Variants in RBPJ observed in about 807,000 individuals in gnomAD.
RBPJ encodes recombining binding protein suppressor of hairless.
In RBPJ, 9 loss-of-function variants were observed where a neutral mutation model predicts 67.8. The ratio of observed to expected loss-of-function variants is 0.13; its 90% CI spans 0.08 to 0.23. The LOEUF (loss-of-function observed/expected upper bound fraction) is 0.23. RBPJ is among the 10% of genes least tolerant of loss of function. The pLI is 1.00. For synonymous variants in RBPJ, 198 were observed against 203.3 expected (o/e 0.97, Z 0.22); for missense variants, 305 against 595.6 (o/e 0.51, Z 5.08).
intron 1 of RBPJ, among the ~76,000 whole-genome samples, chr4:26,233,442 G>T (rs192818623): frequency 7.2e-5 from 11 of 152,300 alleles, no homozygotes; most frequent in Non-Finnish European, 1.2e-4. Context: ...TTATCCTTCA[G>T]AAAATCATAT....
chr4:26,345,093 C>T (rs1386968495), intron 1 of RBPJ, among the ~76,000 whole-genome samples: 1 of 152,126 alleles, frequency 6.6e-6, no homozygotes, highest in Non-Finnish European at 1.5e-5. Flanking sequence ...GATTTTTGTG[C>T]ACATTAAAAA....
upstream of RBPJ, among the ~76,000 whole-genome samples, chr4:26,318,922 A>G (rs1179080257): frequency 6.9e-6 from 1 of 145,602 alleles, no homozygotes; most frequent in Non-Finnish European, 1.5e-5. Context: ...GCGTGAATCC[A>G]GGAGGCGGAG....
chr4:26,370,133 G>T (rs1729014897), intron 1 of RBPJ, among the ~76,000 whole-genome samples: 1 of 152,086 alleles, frequency 6.6e-6, no homozygotes, highest in Admixed American at 6.6e-5. Context: ...CAGAATAAAG[G>T]CCTTGTCAAA....
At chr4:26,107,220 G>T in the RBPJ span, among the ~76,000 whole-genome samples, 1 of 152,206 alleles carries the variant, frequency 6.6e-6, no homozygotes, top group African/African-American at 2.4e-5. Flanking sequence ...TTCACTGTTG[G>T]ATTGTGAATT....
chr4:26,429,805 T>C (rs1577680047), intron 8 of RBPJ, 93 bp from the exon 9 acceptor site: 5 of 1,028,122 alleles, frequency 4.9e-6, no homozygotes, highest in Admixed American at 2.3e-5. Flanking sequence ...TATCTTCTTA[T>C]TAACTCTTGT....
rs559386154 is a variant in RBPJ at position 26,372,702 on chromosome 4, G to A, written c.21-13651G>A. On this transcript the variant is annotated intron_variant, in intron 1 of 10. Coordinates refer to ENST00000355476, the MANE Select transcript of RBPJ (RefSeq NM_015874.6). ...TTACTGATGATGTGTACTTTAATCA[G>A]TGCTTGGTGATCTGGCCAGTCTCAA... Among the ~76,000 whole-genome samples the A allele has an allele frequency of 1.8e-4, 27 of 152,278 alleles. No individual in the cohort carries two copies. In the South Asian group the frequency reaches 5.2e-3, roughly 29 times the overall value.
chr4:26,326,463 A>C (rs1723640631), intron 1 of RBPJ, among the ~76,000 whole-genome samples: 1 of 152,088 alleles, frequency 6.6e-6, no homozygotes, highest in South Asian at 2.1e-4. Flanking sequence ...TCAGTACTAG[A>C]TGGCTAGGGA....
intron 3 of RBPJ, among the ~76,000 whole-genome samples, chr4:26,414,382 T>C (rs1399055591): frequency 6.6e-6 from 1 of 152,154 alleles, no homozygotes; most frequent in Non-Finnish European, 1.5e-5. Flanking sequence ...TTGCCCAGGC[T>C]GGTCTCAAAC....
the RBPJ span, among the ~76,000 whole-genome samples, chr4:26,126,088 A>G: frequency 1.3e-5 from 2 of 152,230 alleles, no homozygotes; most frequent in Non-Finnish European, 2.9e-5. Context: ...CCATCTTTGC[A>G]TTCCTGAAGG....
chr4:26,233,172 C>G (rs556009635), intron 1 of RBPJ, among the ~76,000 whole-genome samples: 13 of 152,110 alleles, frequency 8.5e-5, no homozygotes, highest in African/African-American at 2.9e-4. Flanking sequence ...TTTTATTTCC[C>G]CAGAGGATAA....
intron 1 of RBPJ, among the ~76,000 whole-genome samples, chr4:26,287,967 A>G (rs1052753496): frequency 6.6e-6 from 1 of 152,324 alleles, no homozygotes; most frequent in South Asian, 2.1e-4. Context: ...GAAACTGCAC[A>G]TGACTCTGAG....
the RBPJ span, among the ~76,000 whole-genome samples, chr4:26,109,479 T>TACACAC: frequency 1.6e-4 from 8 of 51,436 alleles, no homozygotes; most frequent in African/African-American, 2.2e-4. Context: ...TATATATATA[T>TACACAC]ATATATATAT....
intron 2 of RBPJ, among the ~76,000 whole-genome samples, chr4:26,405,271 A>G (rs888095713): frequency 1.3e-5 from 2 of 152,210 alleles, no homozygotes; most frequent in Non-Finnish European, 2.9e-5. Context: ...ATAACGTATT[A>G]CTATTGTATA....
rs1006370150 is a variant in RBPJ, at chr4:26,424,544, C to T, written c.634+65C>T. ...ATTGTTAAAATCTTTTGATGAGATA[C>T]ATGGATATATTAAGTTTTGTCATTT... On this transcript the variant is annotated intron_variant, in intron 6 of 10. Transcript: ENST00000355476. This position sits in a 1 kb window ranked among gnomAD's most constrained non-coding sequence, Gnocchi z 5.3. 2 of 1,565,766 alleles carry T rather than the reference C, an allele frequency of 1.3e-6. No homozygotes were observed. Among genetic ancestry groups the T allele is most frequent in the South Asian group, 1.1e-5 (1 of 88,560 alleles).
intron 1 of RBPJ, among the ~76,000 whole-genome samples, chr4:26,338,156 C>CTTTTTTTTTTTT (rs773976269): frequency 1.1e-5 from 1 of 89,030 alleles, no homozygotes; most frequent in Non-Finnish European, 2.3e-5. Context: ...ATTTTTCTTT[C>CTTTTTTTTTTTT]TTTTTTTTTT....
the RBPJ span, among the ~76,000 whole-genome samples, chr4:26,107,187 G>A: frequency 6.6e-6 from 1 of 152,184 alleles, no homozygotes; most frequent in East Asian, 1.9e-4. Flanking sequence ...GTTTAGTCTG[G>A]TATTGAAATA....
upstream of RBPJ, among the ~76,000 whole-genome samples, chr4:26,318,925 A>C (rs1263799851): frequency 7.2e-6 from 1 of 138,880 alleles, no homozygotes; most frequent in East Asian, 2.2e-4. Flanking sequence ...TGAATCCAGG[A>C]GGCGGAGCTT....
intron 1 of RBPJ, among the ~76,000 whole-genome samples, chr4:26,262,394 C>G (rs565355127): frequency 6.6e-6 from 1 of 152,162 alleles, no homozygotes; most frequent in Non-Finnish European, 1.5e-5. Flanking sequence ...AGTTTTTAAA[C>G]GCCAGAATCT....
At chr4:26,366,508 T>G (rs1387480454) in intron 1 of RBPJ, among the ~76,000 whole-genome samples, 4 of 152,100 alleles carry the variant, frequency 2.6e-5, no homozygotes, top group Non-Finnish European at 5.9e-5. Flanking sequence ...TACTGCAACC[T>G]CCGCCTCCTG....
Sources: allele counts gnomAD v4.1 joint callset (sites outside exome capture counted in the v4.1 genomes callset), GRCh38; gene constraint gnomAD v4.1.1; non-coding constraint Gnocchi (gnomAD v3.1); transcripts MANE v1.5; gene names NCBI Gene and HGNC (gene_info 2026-07-23, HGNC 2026-07-21).